The following CNTLN variants were observed in gnomAD, a reference collection of about 807,000 sequenced individuals.
CNTLN encodes the protein centlein, also known as centlein, centrosomal protein.
Under a neutral mutation model 180.0 loss-of-function variants are expected in CNTLN, and 212 were observed. That is an observed-to-expected ratio of 1.18 (90% confidence interval 1.05 to 1.32). The LOEUF (loss-of-function observed/expected upper bound fraction) is 1.32, where lower values mean the gene tolerates loss of function less well. Among genes scored for constraint, CNTLN ranks in the 40% most tolerant of loss-of-function variants. The pLI is 0.00. For synonymous variants in CNTLN, 722 were observed against 563.1 expected, an observed-to-expected ratio of 1.28 and a Z score of -3.99; for missense variants, 2,095 against 1,610.9, an observed-to-expected ratio of 1.30 and a Z score of -5.14.
At chr9:17,428,329 C>T (rs1388599109) in intron 18 of CNTLN, among the ~76,000 whole-genome samples, 3 of 152,118 alleles carry the variant, frequency 2.0e-5, no homozygotes, top group South Asian at 2.1e-4. Context: ...CTAACCTTTA[C>T]GTGCTTACTA....
the CNTLN span, among the ~76,000 whole-genome samples, chr9:17,509,590 C>T: frequency 6.6e-6 from 1 of 152,114 alleles, no homozygotes. Flanking sequence ...AAGACTGTTA[C>T]AGTGCCAGAT....
chr9:17,246,530 C>G (rs1230087583), intron 5 of CNTLN, among the ~76,000 whole-genome samples: 1 of 152,152 alleles, frequency 6.6e-6, no homozygotes, highest in Non-Finnish European at 1.5e-5. Context: ...CACTAAGGCC[C>G]ATGGATACCA....
At chr9:17,390,865 A>G (rs1010299946) in intron 14 of CNTLN, among the ~76,000 whole-genome samples, 3 of 152,178 alleles carry the variant, frequency 2.0e-5, no homozygotes, top group African/African-American at 7.2e-5. Flanking sequence ...ATGATTAAAC[A>G]TACATTCATA....
At chr9:17,516,470 G>A in the CNTLN span, among the ~76,000 whole-genome samples, 1 of 152,176 alleles carries the variant, frequency 6.6e-6, no homozygotes, top group Non-Finnish European at 1.5e-5. Flanking sequence ...CCAGGAAAAA[G>A]GGTATAACTT....
chr9:17,512,718 A>G, the CNTLN span, among the ~76,000 whole-genome samples: 14 of 152,236 alleles, frequency 9.2e-5, no homozygotes, highest in Non-Finnish European at 2.1e-4. Flanking sequence ...ATACTCCTAA[A>G]AAGAAATACC....
chr9:17,355,997 G>C (rs1241077075), intron 12 of CNTLN, among the ~76,000 whole-genome samples: 2 of 150,468 alleles, frequency 1.3e-5, no homozygotes, highest in African/African-American at 2.5e-5. Context: ...CTGGGAGGTG[G>C]AGCTTGCAGT....
intron 2 of CNTLN, among the ~76,000 whole-genome samples, chr9:17,215,665 G>A (rs1823694314): frequency 6.6e-6 from 1 of 152,156 alleles, no homozygotes; most frequent in African/African-American, 2.4e-5. Flanking sequence ...GTCTGTGGAG[G>A]CTGGCAGGCC....
intron 8 of CNTLN, among the ~76,000 whole-genome samples, chr9:17,316,665 A>G (rs1252407734): frequency 6.6e-6 from 1 of 152,140 alleles, no homozygotes; most frequent in Non-Finnish European, 1.5e-5. Context: ...AAGGTAAGAT[A>G]TAAATCTGCA....
At chr9:17,423,662 G>A (rs1828884024) in intron 18 of CNTLN, among the ~76,000 whole-genome samples, 1 of 152,108 alleles carries the variant, frequency 6.6e-6, no homozygotes, top group African/African-American at 2.4e-5. Context: ...TATTTATTCA[G>A]TACTGCAGGA....
chr9:17,391,053 C>G (rs1482348289), intron 14 of CNTLN, among the ~76,000 whole-genome samples: 1 of 152,168 alleles, frequency 6.6e-6, no homozygotes. Context: ...TTATGTGCCA[C>G]AGGACGCTTC....
At chr9:17,337,136 G>A (rs148479377) in intron 10 of CNTLN, among the ~76,000 whole-genome samples, 2,600 of 152,014 alleles carry the variant, frequency 0.017, 72 homozygotes, top group African/African-American at 0.06. Context: ...CATATCCTTC[G>A]CCCACTTTTT....
rs528260454 is a variant in CNTLN at position 17,270,203 on chromosome 9, G to A, written c.850-3530G>A. Among the ~76,000 whole-genome samples the A allele has an allele frequency of 1.1e-4, 16 of 151,904 alleles. 1 individual carries two copies. The highest frequency in any genetic ancestry group is 9.8e-4 in the Admixed American group (15 of 15,262). On this transcript the variant is annotated intron_variant, in intron 5 of 25. Coordinates refer to ENST00000380647, the MANE Select transcript of CNTLN (RefSeq NM_017738.4). Reference sequence around the variant, plus strand: ...TTTAATATAAAACCAGTTTGTTCTTGATTTTTTAATGAACATTTCACCATT... The same window carrying A: ...TTTAATATAAAACCAGTTTGTTCTTAATTTTTTAATGAACATTTCACCATT...
At chr9:17,410,365 C>G (rs968766316) in intron 16 of CNTLN, among the ~76,000 whole-genome samples, 3 of 152,094 alleles carry the variant, frequency 2.0e-5, no homozygotes, top group African/African-American at 7.2e-5. Flanking sequence ...CTCTTCAAGT[C>G]TCTGCCCATT....
intron 18 of CNTLN, among the ~76,000 whole-genome samples, chr9:17,431,971 T>C (rs1383239453): frequency 3.9e-5 from 6 of 152,218 alleles, no homozygotes; most frequent in Non-Finnish European, 2.9e-5. Flanking sequence ...TGCAAAAGTA[T>C]TCCTCTACAT....
intron 5 of CNTLN, among the ~76,000 whole-genome samples, chr9:17,260,226 G>C (rs990236670): frequency 6.7e-6 from 1 of 149,180 alleles, no homozygotes; most frequent in East Asian, 2.0e-4. Flanking sequence ...CCTTCATTTC[G>C]TTATGTACCC....
At chr9:17,180,903 C>T (rs1388885390) in intron 2 of CNTLN, among the ~76,000 whole-genome samples, 1 of 152,120 alleles carries the variant, frequency 6.6e-6, no homozygotes, top group Non-Finnish European at 1.5e-5. Flanking sequence ...TGGTTTCCAG[C>T]AAGAAATCTG....
At chr9:17,391,016 A>G (rs1302462012) in intron 14 of CNTLN, among the ~76,000 whole-genome samples, 1 of 152,198 alleles carries the variant, frequency 6.6e-6, no homozygotes. Flanking sequence ...AACACGAGAA[A>G]TACATAACAT....
intron 24 of CNTLN, among the ~76,000 whole-genome samples, chr9:17,484,776 A>G (rs957046951): frequency 2.6e-5 from 4 of 152,094 alleles, no homozygotes; most frequent in African/African-American, 7.2e-5. Flanking sequence ...CATATTATAT[A>G]TCATGTAAAC....
In CNTLN at chr9:17,135,155, A is replaced by C; in HGVS notation, c.90A>C (p.Glu30Asp). ...PRSPRVGRGA[E>D]VHAMRSEASG... Reference sequence around the variant, plus strand: ...CCCCACGTGTTGGGCGGGGAGCTGAAGTACACGCAATGCGCAGCGAGGCCT... The same window carrying C: ...CCCCACGTGTTGGGCGGGGAGCTGACGTACACGCAATGCGCAGCGAGGCCT... Residue 30 changes from glutamate (E) to aspartate (D), a missense_variant, in exon 1 of 26, where the codon GAA (glutamate) becomes GAC (aspartate). Glu to Asp is a conservative substitution (Grantham distance 45). Coordinates refer to ENST00000380647, the MANE Select transcript of CNTLN (RefSeq NM_017738.4). 1 of 1,609,332 alleles carries C rather than the reference A, an allele frequency of 6.2e-7. No individual in the cohort carries two copies. The highest frequency in any genetic ancestry group is 8.5e-7 in the Non-Finnish European group (1 of 1,178,566).
Sources: gnomAD v4.1 joint callset for allele counts (sites outside exome capture counted in the v4.1 genomes callset) on GRCh38, gnomAD v4.1.1 for gene constraint, MANE v1.5 for transcripts, NCBI Gene and HGNC (gene_info 2026-07-23, HGNC 2026-07-21) for gene names.